The following CYSLTR1 variants were observed in gnomAD, a reference collection of about 807,000 sequenced individuals.
CYSLTR1 encodes cysteinyl leukotriene receptor 1.
CYSLTR1 carries 1 observed loss-of-function variant against 2.1 expected under a neutral mutation model. That is an observed-to-expected ratio of 0.48 (90% confidence interval 0.17 to 2.28). The LOEUF (loss-of-function observed/expected upper bound fraction) is 2.28, where lower values mean the gene tolerates loss of function less well. Ranked by LOEUF, CYSLTR1 falls within the 30% of genes most tolerant of loss-of-function variation. CYSLTR1 has a pLI of 0.26. For missense variants in CYSLTR1, 299 were observed against 250.1 expected (o/e 1.20, Z -1.32); for synonymous variants, 110 against 89.6 (o/e 1.23, Z -1.28).
intron 1 of CYSLTR1, among the ~76,000 whole-genome samples, chrX:78,283,989 CT>C (rs1228025088): frequency 9.0e-6 from 1 of 111,695 alleles, no homozygotes; most frequent in Non-Finnish European, 1.9e-5. Flanking sequence ...TCTGGGATGG[CT>C]TAGAAATAGT....
rs200173665 is a variant in CYSLTR1, at chrX:78,273,292, A to T, written c.455T>A (p.Ile152Asn). ...CATTAGAAATGGAGAACTGGTCAAA[A>T]TCACAAAAATCCAAATACCTACACA... ...FVCVGIWIFV[I>N]LTSSPFLMAK... Residue 152 changes from isoleucine to asparagine, a missense_variant, in exon 3 of 3, where the codon ATT (isoleucine) becomes AAT (asparagine). Ile to Asn is a moderately radical substitution (Grantham distance 149, BLOSUM62 -3). Transcript: ENST00000373304. 115 of 1,208,255 alleles carry T rather than the reference A, an allele frequency of 9.5e-5. No homozygotes were observed. The highest frequency in any genetic ancestry group is 1.2e-4 in the Non-Finnish European group (107 of 894,248).
At chrX:78,313,085 G>A (rs915781180) in intron 1 of CYSLTR1, among the ~76,000 whole-genome samples, 4 of 112,149 alleles carry the variant, frequency 3.6e-5, no homozygotes, top group African/African-American at 1.3e-4. Flanking sequence ...TGATAGACTG[G>A]TTAAAGAAAA....
chrX:78,297,634 G>A (rs1922629990), intron 1 of CYSLTR1, among the ~76,000 whole-genome samples: 1 of 111,055 alleles, frequency 9.0e-6, no homozygotes, highest in Non-Finnish European at 1.9e-5. Context: ...CTAGCAATTT[G>A]TCCATTACTT....
Position 78,277,804 on chromosome X carries a change from C to T in CYSLTR1, c.-27-4031G>A, listed in dbSNP as rs1744319469. 3.6e-5 allele frequency among the ~76,000 whole-genome samples: 4 copies of T among 112,109 alleles called. No individual in the cohort carries two copies. In the South Asian group the frequency reaches 1.5e-3, roughly 41 times the overall value. ...ACAGCAACATCAAACCTTAAAGGTA[C>T]ATCAGCCTACACAAACAAGAAAGAA... is the stretch of plus-strand genomic sequence containing the variant. On this transcript the variant is annotated intron_variant, in intron 2 of 2. Coordinates refer to ENST00000373304, the MANE Select transcript of CYSLTR1 (RefSeq NM_006639.4).
intron 1 of CYSLTR1, among the ~76,000 whole-genome samples, chrX:78,313,967 T>A (rs1176635557): frequency 9.0e-6 from 1 of 111,249 alleles, no homozygotes; most frequent in African/African-American, 3.3e-5. Flanking sequence ...TGATTTAGAG[T>A]AGCATCAGCG....
chrX:78,304,752 T>C (rs1158147902), intron 1 of CYSLTR1, among the ~76,000 whole-genome samples: 2 of 111,488 alleles, frequency 1.8e-5, no homozygotes, highest in Non-Finnish European at 3.8e-5. Context: ...TAAGTAAATT[T>C]ACTGAGGCTC....
chrX:78,303,780 C>T, intron 1 of CYSLTR1, among the ~76,000 whole-genome samples: 1 of 111,533 alleles, frequency 9.0e-6, no homozygotes. Context: ...TTGGATTATA[C>T]CTCAGGCTTC....
At chrX:78,276,411 G>T (rs1373683328) in intron 2 of CYSLTR1, among the ~76,000 whole-genome samples, 1 of 111,203 alleles carries the variant, frequency 9.0e-6, no homozygotes, top group Non-Finnish European at 1.9e-5. Context: ...AGACGTGTTG[G>T]GGTTTGCAAG....
At chrX:78,281,320 G>T (rs762046404) in intron 2 of CYSLTR1, among the ~76,000 whole-genome samples, 1 of 107,974 alleles carries the variant, frequency 9.3e-6, no homozygotes, top group East Asian at 2.9e-4. Context: ...GGGCTGGAGT[G>T]CAATGGCACA....
At chrX:78,316,906 T>G (rs1252522217) in intron 1 of CYSLTR1, among the ~76,000 whole-genome samples, 2 of 111,639 alleles carry the variant, frequency 1.8e-5, no homozygotes, top group Non-Finnish European at 3.8e-5. Flanking sequence ...TTGGAAAAAT[T>G]CTTCTAGATG....
At chrX:78,309,631 T>TGTCAG (rs1055191399) in intron 1 of CYSLTR1, among the ~76,000 whole-genome samples, 17 of 111,578 alleles carry the variant, frequency 1.5e-4, no homozygotes, top group Non-Finnish European at 2.8e-4. Context: ...AAGGGGTATG[T>TGTCAG]GTCAGGTTAC....
intron 1 of CYSLTR1, among the ~76,000 whole-genome samples, chrX:78,305,574 T>C (rs1340855423): frequency 3.6e-5 from 4 of 112,213 alleles, no homozygotes; most frequent in African/African-American, 1.3e-4. Flanking sequence ...GGATATTTCA[T>C]TGCTTAGAAG....
chrX:78,275,328 C>A, intron 2 of CYSLTR1, among the ~76,000 whole-genome samples: 1 of 111,826 alleles, frequency 8.9e-6, no homozygotes, highest in Middle Eastern at 4.6e-3. Flanking sequence ...TGGAACCAAA[C>A]CAAATGTCCA....
At chrX:78,317,214 C>G (rs1236456935) in intron 1 of CYSLTR1, among the ~76,000 whole-genome samples, 1 of 112,107 alleles carries the variant, frequency 8.9e-6, no homozygotes, top group East Asian at 2.8e-4. Flanking sequence ...ATACAAATGA[C>G]CAACAAACAT....
At chrX:78,281,191 C>T (rs1488979693) in intron 2 of CYSLTR1, among the ~76,000 whole-genome samples, 1 of 111,082 alleles carries the variant, frequency 9.0e-6, no homozygotes, top group Non-Finnish European at 1.9e-5. Context: ...ACCTAATTTA[C>T]ACTCCCACCA....
Position 78,272,713 on chromosome X carries a change from G to C in CYSLTR1, c.*20C>G. The C allele has an allele frequency of 1.8e-6, 2 of 1,110,118 alleles. No individual in the cohort carries two copies. Among genetic ancestry groups the C allele is most frequent in the Non-Finnish European group, 2.4e-6 (2 of 842,617 alleles). The allele number at this position is 1,110,118 out of a possible 1,213,427, so 91.5% of individuals were successfully genotyped here. ...TTTGGGAAACTATTTTCATTGGTTT[G>C]GACTGGAAATGGGTTTAAACTATAC... On this transcript the variant is annotated 3_prime_UTR_variant, in exon 3 of 3. Coordinates refer to ENST00000373304, the MANE Select transcript of CYSLTR1 (RefSeq NM_006639.4).
At chrX:78,312,886 C>T (rs773404991) in intron 1 of CYSLTR1, among the ~76,000 whole-genome samples, 2 of 112,234 alleles carry the variant, frequency 1.8e-5, no homozygotes, top group African/African-American at 3.2e-5. Flanking sequence ...CTAGTTCAGT[C>T]ACTATGGAAA....
intron 1 of CYSLTR1, among the ~76,000 whole-genome samples, chrX:78,289,828 A>C (rs1271961126): frequency 9.0e-6 from 1 of 111,131 alleles, no homozygotes; most frequent in Non-Finnish European, 1.9e-5. Flanking sequence ...TTTTCTTGTA[A>C]ATTTGTTTAA....
Position 78,322,795 on chromosome X carries a change from C to T in CYSLTR1, c.-115+4510G>A, listed in dbSNP as rs148893835. On this transcript the variant is annotated intron_variant, in intron 1 of 2. Coordinates refer to ENST00000373304, the MANE Select transcript of CYSLTR1 (RefSeq NM_006639.4). ...CTATGGGGGAACTGATACTTCGTTG[C>T]TGACAGCTCTCAGGTGTTTCTTCTG... Among the ~76,000 whole-genome samples, 489 of 111,869 alleles carry T rather than the reference C, an allele frequency of 4.4e-3. 4 individuals carry two copies. Among genetic ancestry groups the T allele is most frequent in the African/African-American group, 0.015 (460 of 30,729 alleles).
Sources: gnomAD v4.1 joint callset for allele counts (sites outside exome capture counted in the v4.1 genomes callset) on GRCh38, gnomAD v4.1.1 for gene constraint, MANE v1.5 for transcripts, NCBI Gene and HGNC (gene_info 2026-07-23, HGNC 2026-07-21) for gene names.